The following FBF1 variants were observed in gnomAD, a reference collection of about 807,000 sequenced individuals.
FBF1 encodes fas-binding factor 1.
Under a neutral mutation model 147.2 loss-of-function variants are expected in FBF1, and 119 were observed. That is an observed-to-expected ratio of 0.81 (90% CI 0.70 to 0.94). The LOEUF is 0.94. Among genes scored for constraint, FBF1 ranks in the 40% least tolerant of loss-of-function variants. The pLI is 0.00. For synonymous variants in FBF1, 601 were observed against 609.0 expected (o/e 0.99, Z 0.19); for missense variants, 1,449 against 1,500.8 (o/e 0.97, Z 0.57).
At chr17:75,917,302 T>C (rs1014867035) in intron 23 of FBF1, among the ~76,000 whole-genome samples, 1 of 152,234 alleles carries the variant, frequency 6.6e-6, no homozygotes, top group Non-Finnish European at 1.5e-5. Context: ...TGCTTATATA[T>C]GAAAGGTATC....
At position 75,918,522 on chromosome 17, in the gene FBF1, G is replaced by GTC. The variant is rs1162106100; in HGVS notation, c.2139-255_2139-254dup. Reference sequence around the variant, plus strand: ...ATGGAGTTTTGCTCTGTCACCCAGAGTCTCTCACTCTGTCGCCCAGGCTGG... The same window carrying GTC: ...ATGGAGTTTTGCTCTGTCACCCAGAGTCTCTCTCACTCTGTCGCCCAGGCTGG... On this transcript the variant is annotated intron_variant, in intron 20 of 29. Coordinates refer to ENST00000636174, the MANE Select transcript of FBF1 (RefSeq NM_001319193.2). The surrounding 1 kb of genome is among the most constrained non-coding windows in gnomAD (Gnocchi z 5.8). Among the ~76,000 whole-genome samples the GTC allele has an allele frequency of 2.0e-5, 3 of 152,140 alleles. No individual in the cohort carries two copies. The highest frequency in any genetic ancestry group is 2.9e-5 in the Non-Finnish European group (2 of 68,036).
intron 29 of FBF1, 147 bp downstream of exon 29, chr17:75,912,045 A>G: frequency 1.4e-6 from 1 of 719,194 alleles, no homozygotes; most frequent in Non-Finnish European, 2.4e-6. Context: ...TGGAAGTCTG[A>G]GCATTGGCTC....
chr17:75,930,284 T>A (rs1463042789), intron 6 of FBF1, among the ~76,000 whole-genome samples: 1 of 152,142 alleles, frequency 6.6e-6, no homozygotes, highest in Non-Finnish European at 1.5e-5. Context: ...TTCCTACTCC[T>A]TCCAACCATA....
In FBF1 at chr17:75,931,308, A is replaced by G. The variant is rs960148426; in HGVS notation, c.168-19T>C. ...GAGGGACCTGCAAAGGGGAGGCGTC[A>G]GCCCCTACCTGCATCCCAGGGCACT... is the stretch of plus-strand genomic sequence containing the variant. On this transcript the variant is annotated intron_variant, in intron 5 of 29. Transcript: ENST00000636174. 2 of 1,573,836 alleles carry G rather than the reference A, an allele frequency of 1.3e-6. No individual in the cohort carries two copies. The highest frequency in any genetic ancestry group is 2.3e-5 in the East Asian group (1 of 42,738).
Position 75,927,510 on chromosome 17 carries a change from C to G in FBF1, c.420G>C (p.Lys140Asn), listed in dbSNP as rs2065569708. The change falls in exon 9 of 30, where the codon AAG becomes AAC. Residue 140 changes from lysine to asparagine, a missense_variant. Coordinates refer to ENST00000636174, the MANE Select transcript of FBF1 (RefSeq NM_001319193.2). ...KPAGGAIPTK[K>N]SLPSPSSSGH... is the part of the protein sequence containing the mutation. Reference sequence around the variant, plus strand: ...CAGAGCTGCTGGGAGACGGAAGTGACTTCTTGGTGGGAATGGCACCCCCTG... The same window carrying G: ...CAGAGCTGCTGGGAGACGGAAGTGAGTTCTTGGTGGGAATGGCACCCCCTG... 1.2e-6 allele frequency: 2 copies of G among 1,604,338 alleles called. No homozygotes were observed. The highest frequency in any genetic ancestry group is 1.7e-6 in the Non-Finnish European group (2 of 1,175,618).
chr17:75,914,946 G>A lies in FBF1; in HGVS notation c.2629-14C>T. The A allele has an allele frequency of 6.2e-7, 1 of 1,611,156 alleles. No individual in the cohort carries two copies. The highest frequency in any genetic ancestry group is 8.5e-7 in the Non-Finnish European group (1 of 1,178,504). On this transcript the variant is annotated splice_polypyrimidine_tract_variant and intron_variant, in intron 24 of 29. Transcript: ENST00000636174. ...CAGCAAGGCGCTCTGGGATGTGGGG[G>A]TGAAGGCACGGGGTGAGTGTCCCTG...
At chr17:75,939,616 G>A (rs990123190) in intron 1 of FBF1, among the ~76,000 whole-genome samples, 3 of 151,590 alleles carry the variant, frequency 2.0e-5, no homozygotes, top group Non-Finnish European at 2.9e-5. Flanking sequence ...GGTTGGTATT[G>A]AACTCTGGGG....
intron 23 of FBF1, among the ~76,000 whole-genome samples, chr17:75,916,105 A>G (rs1311760120): frequency 1.3e-5 from 2 of 149,774 alleles, no homozygotes; most frequent in Non-Finnish European, 3.0e-5. Flanking sequence ...AGCTTGTCTG[A>G]GCTCAGGAGT....
At chr17:75,917,308 G>A (rs1450923645) in intron 23 of FBF1, among the ~76,000 whole-genome samples, 1 of 152,246 alleles carries the variant, frequency 6.6e-6, no homozygotes, top group Non-Finnish European at 1.5e-5. Flanking sequence ...TATATGAAAG[G>A]TATCTAGGGA....
intron 23 of FBF1, among the ~76,000 whole-genome samples, chr17:75,915,867 G>T (rs1200095667): frequency 6.6e-6 from 1 of 151,964 alleles, no homozygotes; most frequent in Non-Finnish European, 1.5e-5. Context: ...AATTAGCTGG[G>T]CGTGGTGGCA....
In FBF1 at chr17:75,918,848, G is replaced by A. The variant is rs188151847; in HGVS notation, c.2139-579C>T. Among the ~76,000 whole-genome samples the A allele has an allele frequency of 4.1e-3, 583 of 141,978 alleles. 4 individuals are homozygous for A. Among genetic ancestry groups the A allele is most frequent in the Non-Finnish European group, 7.3e-3 (478 of 65,642 alleles). The allele number at this position is 141,978 out of a possible 152,430, so 93.1% of individuals were successfully genotyped here. ...CCTAGAGATGAGGTCTCACTATGTTGCCCAGGCTGGTCTTGAACTCCTAGC... is the reference window on the plus strand; with the variant it reads ...CCTAGAGATGAGGTCTCACTATGTTACCCAGGCTGGTCTTGAACTCCTAGC... On this transcript the variant is annotated intron_variant, in intron 20 of 29. Transcript: ENST00000636174. This position sits in a 1 kb window ranked among gnomAD's most constrained non-coding sequence, Gnocchi z 5.8.
At chr17:75,917,626 ACCT>A in intron 23 of FBF1, 103 bp downstream of exon 23, 1 of 1,028,178 alleles carries the variant, frequency 9.7e-7, no homozygotes, top group Non-Finnish European at 1.4e-6. Flanking sequence ...TGGGGCCTTG[ACCT>A]CCTGAGGAAG....
In FBF1 at chr17:75,926,066, C is replaced by T. The variant is rs1247386155; in HGVS notation, c.832G>A (p.Glu278Lys). Residue 278 changes from glutamate to lysine, a missense_variant, in exon 12 of 30, where the codon GAG (glutamate) becomes AAG (lysine). Coordinates refer to ENST00000636174, the MANE Select transcript of FBF1 (RefSeq NM_001319193.2). ...LARPGTGEHR[E>K]FKLDKKYQRP... The stretch of plus-strand genomic sequence containing the variant: ...TGGTACTTCTTGTCTAGCTTGAACT[C>T]CCTGTGCTCCCCGGTGCCCGGGCGG... 1 of 1,612,384 alleles carries T rather than the reference C, an allele frequency of 6.2e-7. No homozygotes were observed. Among genetic ancestry groups the T allele is most frequent in the South Asian group, 1.1e-5 (1 of 91,024 alleles).
intron 16 of FBF1, 39 bp from the exon 17 acceptor site, chr17:75,921,341 G>A: frequency 6.4e-7 from 1 of 1,570,304 alleles, no homozygotes; most frequent in Non-Finnish European, 8.6e-7. Flanking sequence ...AGGAGGCCCA[G>A]GGCACTGGGC....
chr17:75,914,417 C>A, intron 25 of FBF1, 119 bp from the exon 26 acceptor site: 1 of 1,418,764 alleles, frequency 7.0e-7, no homozygotes. Context: ...GAGCCAGGGG[C>A]TTCCAGGGAG....
At chr17:75,916,233 T>C (rs182101322) in intron 23 of FBF1, among the ~76,000 whole-genome samples, 238 of 152,096 alleles carry the variant, frequency 1.6e-3, no homozygotes, top group African/African-American at 5.2e-3. Context: ...GGTGGGAAGA[T>C]TGCTTGAGCC....
At position 75,928,744 on chromosome 17, in the gene FBF1, G is replaced by T. The variant is rs767447295; in HGVS notation, c.280-551C>A. On this transcript the variant is annotated intron_variant, in intron 7 of 29. Coordinates refer to ENST00000636174, the MANE Select transcript of FBF1 (RefSeq NM_001319193.2). The surrounding 1 kb of genome is among the most constrained non-coding windows in gnomAD (Gnocchi z 4.2). ...AATCGCTTGAACCTGGGAGGTGGAG[G>T]TTGCAGTGAGCCGAGATCATGCCAC... 2.6e-5 allele frequency among the ~76,000 whole-genome samples: 4 copies of T among 151,976 alleles called. No homozygotes were observed. The highest frequency in any genetic ancestry group is 4.8e-5 in the African/African-American group (2 of 41,376).
chr17:75,911,637 G>C (rs1248159130), intron 29 of FBF1, among the ~76,000 whole-genome samples: 1 of 152,156 alleles, frequency 6.6e-6, no homozygotes, highest in Admixed American at 6.5e-5. Context: ...TCTTACCTCA[G>C]CCTCCGGAGT....
chr17:75,912,366 A>C, intron 28 of FBF1, 59 bp from the exon 29 acceptor site: 2 of 1,347,798 alleles, frequency 1.5e-6, no homozygotes, highest in South Asian at 2.9e-5. Context: ...CCGGGCGGTC[A>C]CAGCTTGTTC....
Sources: allele counts gnomAD v4.1 joint callset (sites outside exome capture counted in the v4.1 genomes callset), GRCh38; gene constraint gnomAD v4.1.1; non-coding constraint Gnocchi (gnomAD v3.1); transcripts MANE v1.5; gene names NCBI Gene and HGNC (gene_info 2026-07-23, HGNC 2026-07-21).